Variants in CFAP43 observed in about 807,000 individuals in gnomAD.
CFAP43 encodes cilia- and flagella-associated protein 43.
A neutral mutation model predicts 218.9 loss-of-function variants in CFAP43; 155 were observed. The observed-to-expected ratio is 0.71, with a 90% CI of 0.62 to 0.81. The LOEUF (loss-of-function observed/expected upper bound fraction) is 0.81. Among genes scored for constraint, CFAP43 ranks in the 30% least tolerant of loss-of-function variants. The pLI is 0.00. For missense variants in CFAP43, 1,778 were observed against 1,954.3 expected (o/e 0.91, Z 1.70); for synonymous variants, 645 against 681.3 (o/e 0.95, Z 0.83).
chr10:104,207,469 C>T (rs2090727549), intron 6 of CFAP43, among the ~76,000 whole-genome samples, 196 bp downstream of exon 6: 1 of 152,102 alleles, frequency 6.6e-6, no homozygotes, highest in African/African-American at 2.4e-5. Flanking sequence ...TAAGGTGTCT[C>T]TCCTCATAAT....
intron 16 of CFAP43, among the ~76,000 whole-genome samples, chr10:104,184,774 A>G (rs2089977116): frequency 6.6e-6 from 1 of 152,080 alleles, no homozygotes; most frequent in African/African-American, 2.4e-5. Context: ...TGTGAAAACC[A>G]TACTAGAGGA....
At chr10:104,169,303 T>C (rs640881) in intron 20 of CFAP43, among the ~76,000 whole-genome samples, 2 of 152,194 alleles carry the variant, frequency 1.3e-5, no homozygotes, top group Admixed American at 6.5e-5. Flanking sequence ...TAAATGTTGG[T>C]TGAAATCTCG....
chr10:104,162,396 G>T lies in CFAP43; in HGVS notation c.3254C>A (p.Ala1085Asp). ...TLVVQDEEITAHKHIKPWHKA... is the reference protein window; with the variant it reads ...TLVVQDEEITDHKHIKPWHKA... Reference sequence around the variant, plus strand: ...GTGCCACGGCTTAATGTGTTTGTGGGCTGTAATCTGAAAGAGAAAATGTCA... The same window carrying T: ...GTGCCACGGCTTAATGTGTTTGTGGTCTGTAATCTGAAAGAGAAAATGTCA... Residue 1085 changes from alanine to aspartate, a missense_variant, in exon 25 of 38, where the codon GCC becomes GAC. Physicochemically the swap from Ala to Asp is moderately radical, Grantham distance 126. Transcript: ENST00000357060. 1.2e-6 allele frequency: 2 copies of T among 1,613,422 alleles called. No homozygotes were observed. Among genetic ancestry groups the T allele is most frequent in the Non-Finnish European group, 1.7e-6 (2 of 1,179,344 alleles).
intron 17 of CFAP43, 124 bp from the exon 18 acceptor site, chr10:104,180,056 T>A: frequency 1.3e-6 from 1 of 742,646 alleles, no homozygotes; most frequent in Non-Finnish European, 2.3e-6. Context: ...TTGAAAATAA[T>A]CTCCAACATT....
chr10:104,225,457 T>C lies in CFAP43; in HGVS notation c.416+4A>G. 6.2e-7 allele frequency: 1 copy of C among 1,606,834 alleles called. No homozygotes were observed. The highest frequency in any genetic ancestry group is 8.5e-7 in the Non-Finnish European group (1 of 1,175,386). On this transcript the variant is annotated splice_donor_region_variant and intron_variant, in intron 3 of 37. Coordinates refer to ENST00000357060, the MANE Select transcript of CFAP43 (RefSeq NM_025145.7). Reference sequence around the variant, plus strand: ...AAGGAATTCCACAGGATGCTGAAACTTACCAAAGGGCCAGTTCAAATTCTG... The same window carrying C: ...AAGGAATTCCACAGGATGCTGAAACCTACCAAAGGGCCAGTTCAAATTCTG...
In CFAP43 at chr10:104,133,207, A is replaced by G. The variant is rs115777903; in HGVS notation, c.4596+413T>C. Among the ~76,000 whole-genome samples the G allele has an allele frequency of 1.3e-3, 192 of 152,358 alleles. 1 individual carries two copies. The highest frequency in any genetic ancestry group is 4.5e-3 in the African/African-American group (188 of 41,586). The stretch of plus-strand genomic sequence containing the variant: ...GAGAGGTATGGAAAGAAACACAAAC[A>G]TAGCTAAGGGCAAAATCTTGAAGAA... On this transcript the variant is annotated intron_variant, in intron 35 of 37. Transcript: ENST00000357060.
chr10:104,140,183 T>C (rs916964946), intron 34 of CFAP43, among the ~76,000 whole-genome samples: 2 of 152,212 alleles, frequency 1.3e-5, no homozygotes, highest in East Asian at 3.8e-4. Context: ...TAAATGTTCA[T>C]ATTAGAAAAG....
chr10:104,152,290 C>T (rs2088300778), intron 28 of CFAP43, among the ~76,000 whole-genome samples: 1 of 151,992 alleles, frequency 6.6e-6, no homozygotes, highest in East Asian at 1.9e-4. Flanking sequence ...AAAGATATTA[C>T]CTAGTGTGAG....
rs1282454323 is a variant in CFAP43, at chr10:104,185,966, C to A, written c.2010+8G>T. Reference sequence around the variant, plus strand: ...CCCACAATATTTTTTTTTAAGAAAGCAGCTTACCAAAGTATAAACGTCTCG... The same window carrying A: ...CCCACAATATTTTTTTTTAAGAAAGAAGCTTACCAAAGTATAAACGTCTCG... On this transcript the variant is annotated splice_region_variant and intron_variant, in intron 15 of 37. Coordinates refer to ENST00000357060, the MANE Select transcript of CFAP43 (RefSeq NM_025145.7). The A allele has an allele frequency of 6.2e-7, 1 of 1,606,970 alleles. No individual in the cohort carries two copies. The highest frequency in any genetic ancestry group is 8.5e-7 in the Non-Finnish European group (1 of 1,177,858).
Position 104,166,805 on chromosome 10 carries a change from A to G in CFAP43, c.2809-87T>C, listed in dbSNP as rs563579459. ...TTTGTGACAACTTAATTATTTCAAC[A>G]ATCATTTTAATTTGTTGAATTGTCT... On this transcript the variant is annotated intron_variant, in intron 22 of 37. Transcript: ENST00000357060. 3.4e-6 allele frequency: 4 copies of G among 1,166,502 alleles called. No individual in the cohort carries two copies. In the African/African-American group the frequency reaches 6.2e-5, roughly 18 times the overall value. 72.3% of individuals were successfully genotyped at this position (1,166,502 alleles called of 1,614,324 possible). A position where few individuals can be genotyped will look rare whatever the true frequency, so the allele number is the denominator to read the frequency against.
At chr10:104,151,527 G>A (rs140736507) in intron 28 of CFAP43, among the ~76,000 whole-genome samples, 2,661 of 152,190 alleles carry the variant, frequency 0.017, 85 homozygotes, top group African/African-American at 0.061. Context: ...TCATATGCTT[G>A]TTGGCCACAT....
At chr10:104,181,283 T>C (rs1329724014) in intron 17 of CFAP43, among the ~76,000 whole-genome samples, 1 of 152,138 alleles carries the variant, frequency 6.6e-6, no homozygotes, top group Non-Finnish European at 1.5e-5. Flanking sequence ...ATCAGTGAGT[T>C]CTATCAACCC....
intron 34 of CFAP43, among the ~76,000 whole-genome samples, chr10:104,134,033 A>G (rs2087323452): frequency 6.6e-6 from 1 of 152,184 alleles, no homozygotes; most frequent in Admixed American, 6.6e-5. Context: ...TATGTCAACA[A>G]TTAGGCAGGA....
Position 104,185,902 on chromosome 10 carries a change from T to C in CFAP43, c.2010+72A>G. 13 of 1,380,294 alleles carry C rather than the reference T, an allele frequency of 9.4e-6. No homozygotes were observed. In the South Asian group the frequency reaches 1.7e-4, roughly 18 times the overall value. The allele number at this position is 1,380,294 out of a possible 1,614,324, so 85.5% of individuals were successfully genotyped here. A position where few individuals can be genotyped will look rare whatever the true frequency, so the allele number is the denominator to read the frequency against. On this transcript the variant is annotated intron_variant, in intron 15 of 37. Coordinates refer to ENST00000357060, the MANE Select transcript of CFAP43 (RefSeq NM_025145.7). Reference sequence around the variant, plus strand: ...ATGCATATATAAGCAAATTTTTATATACATATAAAATGTTTCCTATATGAG... The same window carrying C: ...ATGCATATATAAGCAAATTTTTATACACATATAAAATGTTTCCTATATGAG...
intron 12 of CFAP43, among the ~76,000 whole-genome samples, chr10:104,191,302 A>AAC (rs2090203527): frequency 6.7e-6 from 1 of 149,752 alleles, no homozygotes; most frequent in Admixed American, 6.7e-5. Context: ...TGCCATAGTC[A>AAC]TCTTCTAGTA....
chr10:104,166,744 A>T (rs750579345), intron 22 of CFAP43, 26 bp from the exon 23 acceptor site: 1 of 1,557,516 alleles, frequency 6.4e-7, no homozygotes, highest in South Asian at 1.2e-5. Flanking sequence ...GATGACACAG[A>T]AGTTATGCAA....
rs1342825665 is a variant in CFAP43, at chr10:104,207,766, CTTG to C, written c.791_793del (p.Thr264del). ...CTCTTCACAGCCAATGTACAAGTCA[CTTG>C]TTGGAGTCCAGCAATGCATAGTCGG... On this transcript the variant is annotated inframe_deletion, in exon 6 of 38. Coordinates refer to ENST00000357060, the MANE Select transcript of CFAP43 (RefSeq NM_025145.7). The C allele has an allele frequency of 1.2e-6, 2 of 1,614,044 alleles. No homozygotes were observed. The highest frequency in any genetic ancestry group is 8.5e-7 in the Non-Finnish European group (1 of 1,180,030).
Position 104,188,332 on chromosome 10 carries a change from G to A in CFAP43, c.1625C>T (p.Ser542Leu), listed in dbSNP as rs1297403205. The change falls in exon 13 of 38, where the codon TCG (serine) becomes TTG (leucine). Residue 542 changes from serine (S) to leucine (L), a missense_variant. Physicochemically the swap from Ser to Leu is moderately radical, Grantham distance 145 (BLOSUM62 -2). Around this residue, in one of 3 missense-constraint regions of CFAP43, gnomAD observed 1,553 missense variants for 1,685.2 expected, o/e 0.92. Transcript: ENST00000357060. ...CCTGCTTCTCCCTGCTTCTGGAAGC[G>A]AGGAAAGCACCATCACTTCCACTAT... ...TDIVEVMVLS[S>L]LPEAGRSRLE... 4.3e-6 allele frequency: 7 copies of A among 1,614,142 alleles called. No individual in the cohort carries two copies. Among genetic ancestry groups the A allele is most frequent in the African/African-American group, 2.7e-5 (2 of 75,044 alleles).
At position 104,174,971 on chromosome 10, in the gene CFAP43, C is replaced by T. The variant is rs193188421; in HGVS notation, c.2461-2436G>A. 7.8e-4 allele frequency among the ~76,000 whole-genome samples: 119 copies of T among 151,898 alleles called. 3 individuals are homozygous for T. The East Asian group carries it at 0.022, about 28-fold the overall frequency. On this transcript the variant is annotated intron_variant, in intron 19 of 37. Transcript: ENST00000357060. ...TCGGGAGGCTGAGGCAGGAGAATGG[C>T]GTGAACCTGGGAGGCAGAGCTTGCA...
Sources: allele counts gnomAD v4.1 joint callset (sites outside exome capture counted in the v4.1 genomes callset), GRCh38; gene constraint gnomAD v4.1.1; regional missense constraint gnomAD v4.1.1; transcripts MANE v1.5; gene names NCBI Gene and HGNC (gene_info 2026-07-23, HGNC 2026-07-21).